Variants in BEST3 observed in about 807,000 individuals in gnomAD.
BEST3 encodes bestrophin-3.
BEST3 carries 50 observed loss-of-function variants against 47.1 expected under a neutral mutation model. That is an observed-to-expected ratio of 1.06 (90% CI 0.85 to 1.34). BEST3 has a LOEUF of 1.34. Ranked by LOEUF, BEST3 falls within the 40% of genes most tolerant of loss-of-function variation. The pLI, the probability that BEST3 is intolerant of heterozygous loss-of-function variation, is 0.00. For missense variants in BEST3, 765 were observed against 817.0 expected (o/e 0.94, Z 0.78); for synonymous variants, 282 against 298.8 (o/e 0.94, Z 0.58).
intron 4 of BEST3, among the ~76,000 whole-genome samples, chr12:69,685,030 T>TATTCTATTCTATTCTATTCTATTCTATC (rs1555208110): frequency 1.4e-5 from 2 of 145,068 alleles, no homozygotes; most frequent in Non-Finnish European, 3.1e-5. Context: ...TATTCTATTC[T>TATTCTATTCTATTCTATTCTATTCTATC]ATTCTATTGT....
chr12:69,692,952 A>G (rs1057310725), intron 4 of BEST3, among the ~76,000 whole-genome samples: 2 of 152,096 alleles, frequency 1.3e-5, no homozygotes, highest in Non-Finnish European at 2.9e-5. Context: ...TAGTAGAGAC[A>G]GGGTTTCACC....
At chr12:69,652,402 C>T (rs533587430), downstream of BEST3, among the ~76,000 whole-genome samples, 20 of 152,182 alleles carry the variant, frequency 1.3e-4, no homozygotes, top group Non-Finnish European at 2.8e-4. Context: ...TTTTTTCAAC[C>T]GTGGTCTGTG....
At position 69,654,119 on chromosome 12, in the gene BEST3, A is replaced by G. The variant is rs1883313777; in HGVS notation, c.*788T>C. 2.0e-6 allele frequency: 2 copies of G among 985,398 alleles called. No homozygotes were observed. The highest frequency in any genetic ancestry group is 2.4e-6 in the Non-Finnish European group (2 of 829,922). 61.0% of individuals were successfully genotyped at this position (985,398 alleles called of 1,614,324 possible). A position where few individuals can be genotyped will look rare whatever the true frequency, so the allele number is the denominator to read the frequency against. Reference sequence around the variant, plus strand: ...CAGGCTGGATTTGTTGACACCTTTGATGATTCTGTAGGAGGCTTTGCCAAT... The same window carrying G: ...CAGGCTGGATTTGTTGACACCTTTGGTGATTCTGTAGGAGGCTTTGCCAAT... On this transcript the variant is annotated 3_prime_UTR_variant, in exon 10 of 10. Coordinates refer to ENST00000330891, the MANE Select transcript of BEST3 (RefSeq NM_032735.3).
chr12:69,687,446 A>C (rs1464838319), intron 4 of BEST3: 1 of 152,024 alleles, frequency 6.6e-6, no homozygotes, highest in Non-Finnish European at 1.5e-5. Flanking sequence ...CAGCATAGGC[A>C]ACATAGTGAG....
At chr12:69,691,201 CACTT>C (rs1885910909) in intron 4 of BEST3, among the ~76,000 whole-genome samples, 1 of 152,190 alleles carries the variant, frequency 6.6e-6, no homozygotes, top group Non-Finnish European at 1.5e-5. Flanking sequence ...AATTATGCAG[CACTT>C]ACTGTGTGCC....
chr12:69,694,585 T>A (rs1164115575), intron 2 of BEST3, 121 bp from the exon 3 acceptor site: 1 of 461,296 alleles, frequency 2.2e-6, no homozygotes, highest in East Asian at 3.7e-5. Context: ...GGATCAATAA[T>A]TTTTTCCTTT....
At position 69,693,730 on chromosome 12, in the gene BEST3, G is replaced by C. The variant is rs145121600; in HGVS notation, c.425C>G (p.Ser142Trp). The C allele has an allele frequency of 6.2e-7, 1 of 1,614,142 alleles. No homozygotes were observed. Among genetic ancestry groups the C allele is most frequent in the Non-Finnish European group, 8.5e-7 (1 of 1,180,032 alleles). ...VNLTSLLIFR[S>W]VSTAVYKRFP... ...TCTTTTGTACACAGCAGTGCTCACC[G>C]AGCGAAAGATGAGCAGGGAGGTGAG... is the stretch of plus-strand genomic sequence containing the variant. Residue 142 changes from serine (S) to tryptophan (W), a missense_variant, in exon 4 of 10, where the codon TCG becomes TGG. By Grantham distance (177) the Ser-to-Trp change is radical (BLOSUM62 -3). Transcript: ENST00000330891.
chr12:69,680,491 G>A (rs1885193787), intron 4 of BEST3, among the ~76,000 whole-genome samples: 1 of 151,740 alleles, frequency 6.6e-6, no homozygotes, highest in Non-Finnish European at 1.5e-5. Flanking sequence ...TGTATTTTTA[G>A]TAGAGACGGG....
intron 4 of BEST3, among the ~76,000 whole-genome samples, chr12:69,681,456 A>G (rs1391694706): frequency 1.3e-5 from 2 of 152,168 alleles, no homozygotes; most frequent in Non-Finnish European, 2.9e-5. Context: ...TCTCTAATAA[A>G]TAAATTAAAA....
At chr12:69,699,140 G>A in intron 1 of BEST3, 65 bp downstream of exon 1, 1 of 895,024 alleles carries the variant, frequency 1.1e-6, no homozygotes, top group Non-Finnish European at 1.3e-6. Flanking sequence ...GCTCTGCCAG[G>A]AAAATGAAAA....
At position 69,672,981 on chromosome 12, in the gene BEST3, T is replaced by C. The variant is rs765761200; in HGVS notation, c.868-16A>G. On this transcript the variant is annotated splice_polypyrimidine_tract_variant and intron_variant, in intron 7 of 9. Transcript: ENST00000330891. ...GCTCTGCTACCTGTAGTTGAGAACA[T>C]AAAATAAATCCATCATGATACCTGT... 1.9e-6 allele frequency: 3 copies of C among 1,588,996 alleles called. No homozygotes were observed. Among genetic ancestry groups the C allele is most frequent in the East Asian group, 4.5e-5 (2 of 44,728 alleles).
At chr12:69,677,446 G>A (rs1384720676) in intron 5 of BEST3, among the ~76,000 whole-genome samples, 189 bp from the exon 6 acceptor site, 1 of 152,194 alleles carries the variant, frequency 6.6e-6, no homozygotes, top group Admixed American at 6.5e-5. Flanking sequence ...TTGGAGCAAT[G>A]AGTTTGTTGA....
intron 2 of BEST3, among the ~76,000 whole-genome samples, chr12:69,696,206 T>C (rs958104759): frequency 2.6e-5 from 4 of 152,172 alleles, no homozygotes; most frequent in Non-Finnish European, 5.9e-5. Context: ...ACTTTAAAAA[T>C]TTAAGGATGA....
rs759004165 is a variant in BEST3, at chr12:69,694,498, ATAT to A, written c.153-37_153-35del. 2.4e-4 allele frequency: 290 copies of A among 1,188,578 alleles called. 3 individuals carry two copies. Among genetic ancestry groups the A allele is most frequent in the South Asian group, 1.1e-3 (76 of 70,898 alleles). 73.6% of individuals were successfully genotyped at this position (1,188,578 alleles called of 1,614,324 possible). On this transcript the variant is annotated intron_variant, in intron 2 of 9. Transcript: ENST00000330891. Reference sequence around the variant, plus strand: ...AAAATAAAATGCACAGCCCTTTATGATATTATACTTCTGCACCTGCTTTGCAAG... The same window carrying A: ...AAAATAAAATGCACAGCCCTTTATGATATACTTCTGCACCTGCTTTGCAAG...
chr12:69,697,519 A>C, intron 2 of BEST3, 128 bp downstream of exon 2: 1 of 688,310 alleles, frequency 1.5e-6, no homozygotes, highest in South Asian at 2.4e-5. Flanking sequence ...AAGAAGACAA[A>C]TGAGAGGCTC....
intron 9 of BEST3, among the ~76,000 whole-genome samples, chr12:69,667,881 A>T (rs1884328462): frequency 6.6e-6 from 1 of 152,202 alleles, no homozygotes; most frequent in Admixed American, 6.5e-5. Context: ...AAACGAGCAC[A>T]TTCTGTATGT....
chr12:69,698,762 C>T (rs1022840856), intron 1 of BEST3, among the ~76,000 whole-genome samples: 3 of 152,158 alleles, frequency 2.0e-5, no homozygotes, highest in Non-Finnish European at 4.4e-5. Flanking sequence ...TTACTCATTG[C>T]TGGAAAAACA....
At chr12:69,667,573 G>A (rs1884305212) in intron 9 of BEST3, among the ~76,000 whole-genome samples, 1 of 152,174 alleles carries the variant, frequency 6.6e-6, no homozygotes, top group African/African-American at 2.4e-5. Context: ...TGGGATTACA[G>A]GCATGAGCCA....
downstream of BEST3, among the ~76,000 whole-genome samples, chr12:69,649,526 A>G (rs1883144943): frequency 6.6e-6 from 1 of 152,262 alleles, no homozygotes; most frequent in Admixed American, 6.5e-5. Flanking sequence ...TTGCTGGGCT[A>G]ATCTGTTCTC....
Sources: allele counts gnomAD v4.1 joint callset (sites outside exome capture counted in the v4.1 genomes callset), GRCh38; gene constraint gnomAD v4.1.1; transcripts MANE v1.5; gene names NCBI Gene and HGNC (gene_info 2026-07-23, HGNC 2026-07-21).